CCDC122: variants seen among roughly 807,000 people sequenced by gnomAD.
CCDC122 encodes coiled-coil domain containing 122, also known as coiled-coil domain-containing protein 122.
CCDC122 carries 38 observed loss-of-function variants against 37.0 expected under a neutral mutation model. That is an observed-to-expected ratio of 1.03 (90% CI 0.79 to 1.35). CCDC122 has a LOEUF of 1.35. CCDC122 is among the 40% of genes most tolerant of loss of function. The pLI is 0.00. For missense variants in CCDC122, 305 were observed against 310.0 expected, an observed-to-expected ratio of 0.98 and a Z score of 0.12; for synonymous variants, 83 against 95.6, an observed-to-expected ratio of 0.87 and a Z score of 0.77.
intron 3 of CCDC122, among the ~76,000 whole-genome samples, chr13:43,824,791 GA>G (rs1452970244): frequency 1.3e-5 from 2 of 152,076 alleles, no homozygotes; most frequent in African/African-American, 4.8e-5. Context: ...ACAAACATAT[GA>G]AAAAATGGTC....
chr13:43,850,823 C>A (rs1033699760), intron 6 of CCDC122, among the ~76,000 whole-genome samples: 3 of 152,074 alleles, frequency 2.0e-5, no homozygotes, highest in Non-Finnish European at 4.4e-5. Context: ...AATTGAGAAG[C>A]TGAGAGAACT....
At chr13:43,858,722 A>G in intron 6 of CCDC122, 59 bp downstream of exon 6, 1 of 1,163,920 alleles carries the variant, frequency 8.6e-7, no homozygotes. Flanking sequence ...ATATGAATAT[A>G]GTGTTAAGTT....
downstream of CCDC122, among the ~76,000 whole-genome samples, chr13:43,835,626 T>C (rs956538931): frequency 1.3e-5 from 2 of 152,220 alleles, no homozygotes; most frequent in African/African-American, 4.8e-5. Flanking sequence ...ATTTTCTTCA[T>C]ATCTGAATTT....
At position 43,836,385 on chromosome 13, in the gene CCDC122, G is replaced by A. The variant is rs561098523; in HGVS notation, c.*895C>T. On this transcript the variant is annotated 3_prime_UTR_variant, in exon 7 of 7. Coordinates refer to ENST00000444614, the MANE Select transcript of CCDC122 (RefSeq NM_144974.5). ...AAGTGAACAAAATATTTTATTCATC[G>A]TATCACTCAAAATATGTTATTTTAT... 35 of 152,174 alleles carry A rather than the reference G, an allele frequency of 2.3e-4. No homozygotes were observed. The highest frequency in any genetic ancestry group is 8.0e-4 in the African/African-American group (33 of 41,498). 9.4% of individuals were successfully genotyped at this position (152,174 alleles called of 1,614,324 possible).
intron 1 of CCDC122, among the ~76,000 whole-genome samples, chr13:43,876,971 C>G (rs185308636): frequency 6.6e-6 from 1 of 151,974 alleles, no homozygotes; most frequent in Non-Finnish European, 1.5e-5. Context: ...ATTAGCCGGG[C>G]GTGGTGGTGC....
At chr13:43,832,011 C>T (rs1400182210), downstream of CCDC122, among the ~76,000 whole-genome samples, 1 of 151,276 alleles carries the variant, frequency 6.6e-6, no homozygotes. Context: ...CTATTAGTGT[C>T]TGTTTCAATT....
At chr13:43,849,194 T>C in intron 6 of CCDC122, 1 of 409,302 alleles carries the variant, frequency 2.4e-6, no homozygotes, top group South Asian at 1.0e-4. Context: ...AAAAGAATCT[T>C]AACAGAGGGG....
At chr13:43,825,284 A>C (rs1346708924) in intron 3 of CCDC122, among the ~76,000 whole-genome samples, 1 of 152,178 alleles carries the variant, frequency 6.6e-6, no homozygotes. Context: ...CACCATTCTA[A>C]GTGAATTAAC....
chr13:43,848,490 T>G (rs537319231), intron 6 of CCDC122, among the ~76,000 whole-genome samples: 21 of 152,336 alleles, frequency 1.4e-4, no homozygotes, highest in African/African-American at 4.8e-4. Context: ...GCTTTGTGTT[T>G]GCCTGCCTTG....
intron 6 of CCDC122, 38 bp downstream of exon 6, chr13:43,858,743 T>G: frequency 7.7e-7 from 1 of 1,302,528 alleles, no homozygotes; most frequent in Non-Finnish European, 1.0e-6. Flanking sequence ...TTAAAAATGG[T>G]CCCATAAAAC....
intron 6 of CCDC122, chr13:43,854,260 G>A (rs1316162078): frequency 1.3e-5 from 2 of 151,712 alleles, no homozygotes; most frequent in East Asian, 3.9e-4. Context: ...GAATAGAGAA[G>A]ATCAAAATAA....
At chr13:43,866,970 A>G (rs1954293225) in intron 4 of CCDC122, among the ~76,000 whole-genome samples, 1 of 152,170 alleles carries the variant, frequency 6.6e-6, no homozygotes, top group South Asian at 2.1e-4. Context: ...CATCCTGAAT[A>G]GAAGTAAGAG....
At chr13:43,845,807 T>C (rs550729815) in intron 6 of CCDC122, among the ~76,000 whole-genome samples, 27 of 152,360 alleles carry the variant, frequency 1.8e-4, no homozygotes, top group African/African-American at 6.3e-4. Flanking sequence ...ATCAATACAT[T>C]TTAAAAATTC....
chr13:43,821,250 T>G (rs1329197463), downstream of CCDC122, among the ~76,000 whole-genome samples: 3 of 152,048 alleles, frequency 2.0e-5, no homozygotes, highest in Non-Finnish European at 2.9e-5. Flanking sequence ...TGAGACAGAG[T>G]TTTGTTCTTG....
downstream of CCDC122, among the ~76,000 whole-genome samples, chr13:43,836,032 C>G (rs1953152050): frequency 6.6e-6 from 1 of 152,170 alleles, no homozygotes; most frequent in Admixed American, 6.5e-5. Flanking sequence ...GGTTTTATAT[C>G]AGCTCCACTT....
At chr13:43,865,887 AAAGT>A (rs1432701720) in intron 4 of CCDC122, among the ~76,000 whole-genome samples, 4 of 152,226 alleles carry the variant, frequency 2.6e-5, no homozygotes, top group African/African-American at 9.7e-5. Flanking sequence ...CTTCTCACTT[AAAGT>A]AAGTACTTTA....
chr13:43,864,285 G>A (rs1382490704), intron 4 of CCDC122, among the ~76,000 whole-genome samples: 2 of 152,132 alleles, frequency 1.3e-5, no homozygotes, highest in Admixed American at 1.3e-4. Context: ...AAGATATTTG[G>A]TCTTTGTTCC....
intron 2 of CCDC122, among the ~76,000 whole-genome samples, chr13:43,869,702 G>C (rs1007371981): frequency 6.6e-6 from 1 of 151,610 alleles, no homozygotes; most frequent in Non-Finnish European, 1.5e-5. Context: ...ACTTCATAAG[G>C]CTGTTCTAAT....
chr13:43,876,338 A>C (rs1232978325), intron 1 of CCDC122, among the ~76,000 whole-genome samples: 1 of 152,200 alleles, frequency 6.6e-6, no homozygotes, highest in African/African-American at 2.4e-5. Context: ...TGTTCTTTAA[A>C]ATTATACTTG....
Sources: gnomAD v4.1 joint callset for allele counts (sites outside exome capture counted in the v4.1 genomes callset) on GRCh38, gnomAD v4.1.1 for gene constraint, MANE v1.5 for transcripts, NCBI Gene and HGNC (gene_info 2026-07-23, HGNC 2026-07-21) for gene names.